Variants in TOPAZ1 observed in about 807,000 individuals in gnomAD.
TOPAZ1 encodes protein TOPAZ1.
TOPAZ1 carries 66 observed loss-of-function variants against 172.2 expected under a neutral mutation model. The ratio of observed to expected loss-of-function variants is 0.38; its 90% CI spans 0.31 to 0.47. The LOEUF is 0.47. Ranked by LOEUF, TOPAZ1 falls within the 20% of genes least tolerant of loss-of-function variation. TOPAZ1 has a pLI of 0.99. For missense variants in TOPAZ1, 1,822 were observed against 1,972.4 expected (o/e 0.92, Z 1.44); for synonymous variants, 681 against 683.9 (o/e 1.00, Z 0.07).
At chr3:44,293,612 G>T (rs1472355349) in intron 12 of TOPAZ1, among the ~76,000 whole-genome samples, 1 of 152,198 alleles carries the variant, frequency 6.6e-6, no homozygotes, top group Non-Finnish European at 1.5e-5. Flanking sequence ...CTTTTGTACA[G>T]ATATACAGTG....
At chr3:44,329,447 A>G (rs1700639623) in intron 19 of TOPAZ1, among the ~76,000 whole-genome samples, 1 of 152,210 alleles carries the variant, frequency 6.6e-6, no homozygotes, top group Non-Finnish European at 1.5e-5. Flanking sequence ...TCTTCATGAC[A>G]TGACTGACAG....
intron 12 of TOPAZ1, 63 bp downstream of exon 12, chr3:44,290,949 T>C: frequency 1.9e-6 from 2 of 1,062,390 alleles, no homozygotes; most frequent in Non-Finnish European, 1.4e-6. Context: ...TTATAAAAGC[T>C]GAAGGCAAAG....
chr3:44,312,339 G>A (rs1700406145), intron 16 of TOPAZ1, among the ~76,000 whole-genome samples: 1 of 151,902 alleles, frequency 6.6e-6, no homozygotes, highest in Non-Finnish European at 1.5e-5. Flanking sequence ...CTTAAAATAT[G>A]TGTAGAAGAA....
chr3:44,297,681 G>C (rs1293415516), intron 12 of TOPAZ1, among the ~76,000 whole-genome samples: 1 of 151,952 alleles, frequency 6.6e-6, no homozygotes, highest in Non-Finnish European at 1.5e-5. Flanking sequence ...GATTGGAAGT[G>C]AAGAAATAAA....
intron 11 of TOPAZ1, among the ~76,000 whole-genome samples, 197 bp from the exon 12 acceptor site, chr3:44,290,574 T>A (rs1422122908): frequency 1.3e-5 from 2 of 152,204 alleles, no homozygotes; most frequent in Non-Finnish European, 2.9e-5. Flanking sequence ...TCCAAAAACT[T>A]AATATTTTCA....
chr3:44,330,146 C>A (rs938651322), intron 19 of TOPAZ1, among the ~76,000 whole-genome samples: 10 of 152,028 alleles, frequency 6.6e-5, no homozygotes, highest in Non-Finnish European at 1.3e-4. Context: ...GTTCCACCTT[C>A]AAAAAAACCC....
intron 12 of TOPAZ1, among the ~76,000 whole-genome samples, chr3:44,293,782 C>T (rs1700165848): frequency 6.6e-6 from 1 of 152,100 alleles, no homozygotes; most frequent in Non-Finnish European, 1.5e-5. Context: ...GTTACAGTTG[C>T]CTACAGTATT....
rs1700308347 is a variant in TOPAZ1 at position 44,304,145 on chromosome 3, G to T, written c.3864+64G>T. The T allele has an allele frequency of 3.0e-6, 3 of 994,640 alleles. No individual in the cohort carries two copies. In the East Asian group the frequency reaches 8.2e-5, roughly 27 times the overall value. 61.6% of individuals were successfully genotyped at this position (994,640 alleles called of 1,614,324 possible). A position where few individuals can be genotyped will look rare whatever the true frequency, so the allele number is the denominator to read the frequency against. ...CTGAAAATCAATAGCAACAAAAAAG[G>T]TTTGAATAATAACCCCATTTTATGA... is the stretch of plus-strand genomic sequence containing the variant. On this transcript the variant is annotated intron_variant, in intron 13 of 19. Coordinates refer to ENST00000309765, the MANE Select transcript of TOPAZ1 (RefSeq NM_001145030.2).
chr3:44,258,869 T>A (rs1271152600), intron 4 of TOPAZ1, among the ~76,000 whole-genome samples: 3 of 152,194 alleles, frequency 2.0e-5, no homozygotes, highest in Non-Finnish European at 1.5e-5. Flanking sequence ...AGTCGCATGT[T>A]AGGTTTTGAC....
intron 16 of TOPAZ1, among the ~76,000 whole-genome samples, chr3:44,314,869 G>A (rs1163297266): frequency 2.0e-5 from 3 of 152,074 alleles, no homozygotes; most frequent in Non-Finnish European, 2.9e-5. Flanking sequence ...TGATTCTGCC[G>A]ATCTGGGGAC....
chr3:44,334,168 C>T (rs181351146), downstream of TOPAZ1, among the ~76,000 whole-genome samples: 3 of 152,294 alleles, frequency 2.0e-5, no homozygotes, highest in African/African-American at 7.2e-5. Flanking sequence ...CTAAATTCCT[C>T]AGGTAAGGAG....
chr3:44,319,855 T>G (rs924652316), intron 16 of TOPAZ1, among the ~76,000 whole-genome samples: 1 of 152,226 alleles, frequency 6.6e-6, no homozygotes, highest in Admixed American at 6.5e-5. Context: ...CAACTTTTTC[T>G]TCAATACTTT....
chr3:44,327,561 C>T (rs908353214), intron 18 of TOPAZ1, among the ~76,000 whole-genome samples: 3 of 152,044 alleles, frequency 2.0e-5, no homozygotes, highest in Non-Finnish European at 4.4e-5. Flanking sequence ...TAGCACAATG[C>T]CAGACATTTA....
At chr3:44,290,630 C>T in intron 11 of TOPAZ1, 141 bp from the exon 12 acceptor site, 1 of 581,640 alleles carries the variant, frequency 1.7e-6, no homozygotes, top group Non-Finnish European at 3.1e-6. Context: ...TTCTGTGCCT[C>T]AATTTTTTTA....
chr3:44,318,324 C>A (rs1037754562), intron 16 of TOPAZ1, among the ~76,000 whole-genome samples: 2 of 152,074 alleles, frequency 1.3e-5, no homozygotes, highest in African/African-American at 2.4e-5. Flanking sequence ...TGGTGGCAGG[C>A]ACGTGTAGTC....
intron 16 of TOPAZ1, among the ~76,000 whole-genome samples, chr3:44,310,764 G>T (rs1016350688): frequency 6.6e-6 from 1 of 152,188 alleles, no homozygotes; most frequent in Non-Finnish European, 1.5e-5. Flanking sequence ...AATCCTGATT[G>T]CAGTGTGCGT....
At chr3:44,323,333 T>C (rs75579151) in intron 18 of TOPAZ1, 38 bp downstream of exon 18, 130,215 of 1,333,260 alleles carry the variant, frequency 0.098, 7,716 homozygotes, top group African/African-American at 0.23. Context: ...TATTGGTTTA[T>C]AATTGTATTC....
intron 4 of TOPAZ1, among the ~76,000 whole-genome samples, chr3:44,261,701 G>A (rs1048722722): frequency 2.6e-5 from 4 of 152,096 alleles, no homozygotes; most frequent in Admixed American, 2.0e-4. Flanking sequence ...CAATGTCATT[G>A]GTAGTTTAAT....
At chr3:44,255,508 C>T (rs577119779) in intron 3 of TOPAZ1, among the ~76,000 whole-genome samples, 5 of 151,604 alleles carry the variant, frequency 3.3e-5, no homozygotes, top group Admixed American at 6.6e-5. Flanking sequence ...AAAAATTAGC[C>T]GGGCGTGGTG....
Sources: allele counts gnomAD v4.1 joint callset (sites outside exome capture counted in the v4.1 genomes callset), GRCh38; gene constraint gnomAD v4.1.1; transcripts MANE v1.5; gene names NCBI Gene and HGNC (gene_info 2026-07-23, HGNC 2026-07-21).